Variants in GSK3B observed in about 807,000 individuals in gnomAD.
GSK3B encodes glycogen synthase kinase-3 beta.
Under a neutral mutation model 56.4 loss-of-function variants are expected in GSK3B, and 15 were observed. The observed-to-expected ratio is 0.27, with a 90% CI of 0.18 to 0.41. The LOEUF (loss-of-function observed/expected upper bound fraction) is 0.41, where lower values mean the gene tolerates loss of function less well. Among genes scored for constraint, GSK3B ranks in the 10% least tolerant of loss-of-function variants. The probability of loss-of-function intolerance (pLI) is 1.00; values close to 1 mark genes in which losing one functional copy is unlikely to be tolerated. For missense variants in GSK3B, 300 were observed against 513.4 expected (o/e 0.58, Z 4.02); for synonymous variants, 181 against 188.9 (o/e 0.96, Z 0.34).
In GSK3B at chr3:120,038,100, T is replaced by C. The variant is rs10934504; in HGVS notation, c.89-35861A>G. Among the ~76,000 whole-genome samples the C allele has an allele frequency of 9.5e-3, 1,452 of 152,298 alleles. 15 individuals carry two copies. The highest frequency in any genetic ancestry group is 0.032 in the South Asian group (155 of 4,830). ...AGGCACAGTTCAGTAACTTGTCCAA[T>C]GTCACAGCAAGTAAATAGCAAATTC... On this transcript the variant is annotated intron_variant, in intron 1 of 10. Coordinates refer to ENST00000264235, the MANE Select transcript of GSK3B (RefSeq NM_001146156.2).
At chr3:119,963,671 A>G (rs1377861678) in intron 2 of GSK3B, among the ~76,000 whole-genome samples, 3 of 151,460 alleles carry the variant, frequency 2.0e-5, no homozygotes, top group African/African-American at 7.3e-5. Context: ...AAAGAAAGAA[A>G]AAGAAAAAAA....
At chr3:120,064,824 A>C (rs1023265420) in intron 1 of GSK3B, among the ~76,000 whole-genome samples, 3 of 152,218 alleles carry the variant, frequency 2.0e-5, no homozygotes, top group African/African-American at 7.2e-5. Flanking sequence ...GGGAATAAGA[A>C]CTGTGCATCC....
chr3:119,924,282 C>T (rs2056870581), intron 3 of GSK3B, among the ~76,000 whole-genome samples: 2 of 152,198 alleles, frequency 1.3e-5, no homozygotes, highest in South Asian at 2.1e-4. Context: ...TGGCCAGTAT[C>T]AGGTAAATTG....
chr3:119,912,808 G>A lies in GSK3B; in HGVS notation c.611C>T (p.Ala204Val). Reference sequence around the variant, plus strand: ...GGGTTCTCCTCGGACCAGCTGCTTTGCACTAACAGAAAAAAAATAAAAATA... The same window carrying A: ...GGGTTCTCCTCGGACCAGCTGCTTTACACTAACAGAAAAAAAATAAAAATA... ...AVLKLCDFGS[A>V]KQLVRGEPNV... The change falls in exon 6 of 11, where the codon GCA becomes GTA. Residue 204 changes from alanine (A) to valine (V), a missense_variant and splice_region_variant. By Grantham distance (64) the Ala-to-Val change is moderately conservative. Transcript: ENST00000264235. 1 of 1,513,758 alleles carries A rather than the reference G, an allele frequency of 6.6e-7. No homozygotes were observed. Among genetic ancestry groups the A allele is most frequent in the Non-Finnish European group, 9.1e-7 (1 of 1,099,974 alleles). The allele number at this position is 1,513,758 out of a possible 1,614,324, so 93.8% of individuals were successfully genotyped here.
At chr3:119,916,976 A>C (rs1302433269) in intron 4 of GSK3B, among the ~76,000 whole-genome samples, 2 of 152,194 alleles carry the variant, frequency 1.3e-5, no homozygotes, top group Non-Finnish European at 2.9e-5. Flanking sequence ...ATGGACGAAG[A>C]GAGTATAATT....
chr3:119,957,752 T>C (rs1480721304), intron 2 of GSK3B, among the ~76,000 whole-genome samples: 3 of 152,128 alleles, frequency 2.0e-5, no homozygotes, highest in Non-Finnish European at 4.4e-5. Flanking sequence ...ATAGAGAGGT[T>C]AAGAAATTTG....
chr3:119,940,110 T>TGTG lies in GSK3B; in HGVS notation c.366+7157_366+7158insCAC, dbSNP rs572334273. Among the ~76,000 whole-genome samples, 915 of 149,042 alleles carry TGTG rather than the reference T, an allele frequency of 6.1e-3. 10 individuals carry two copies. Among genetic ancestry groups the TGTG allele is most frequent in the African/African-American group, 0.021 (878 of 40,858 alleles). On this transcript the variant is annotated intron_variant, in intron 3 of 10. Coordinates refer to ENST00000264235, the MANE Select transcript of GSK3B (RefSeq NM_001146156.2). ...CAGTAACAAAAGTGTGTGTGTGTGT[T>TGTG]TGTGTGTGTGTGTGTGTGTGTGTAT...
At chr3:120,010,007 C>T (rs893797630) in intron 1 of GSK3B, among the ~76,000 whole-genome samples, 1 of 152,228 alleles carries the variant, frequency 6.6e-6, no homozygotes, top group East Asian at 1.9e-4. Flanking sequence ...ATGATTTAAT[C>T]ACCCCAAATC....
chr3:119,955,429 T>A (rs372689436), intron 2 of GSK3B, among the ~76,000 whole-genome samples: 1 of 152,174 alleles, frequency 6.6e-6, no homozygotes, highest in Non-Finnish European at 1.5e-5. Context: ...AATCTTTAAA[T>A]GTTTTACAGT....
At chr3:119,897,041 T>C (rs2056575477) in intron 7 of GSK3B, among the ~76,000 whole-genome samples, 1 of 152,200 alleles carries the variant, frequency 6.6e-6, no homozygotes, top group African/African-American at 2.4e-5. Context: ...AGTGACAATG[T>C]CATGAAACTT....
rs2058531628 is a variant in GSK3B at position 120,093,443 on chromosome 3, T to C, written c.-9A>G. 1 of 1,581,010 alleles carries C rather than the reference T, an allele frequency of 6.3e-7. No homozygotes were observed. The highest frequency in any genetic ancestry group is 8.7e-7 in the Non-Finnish European group (1 of 1,149,980). On this transcript the variant is annotated 5_prime_UTR_variant, in exon 1 of 11. Coordinates refer to ENST00000264235, the MANE Select transcript of GSK3B (RefSeq NM_001146156.2). Reference sequence around the variant, plus strand: ...CTGGGCCGCCCTGACATGATCACTCTCTTCGCGAATCACCTTTTCCTTCCT... The same window carrying C: ...CTGGGCCGCCCTGACATGATCACTCCCTTCGCGAATCACCTTTTCCTTCCT...
rs1032097018 is a variant in GSK3B, at chr3:120,071,558, T to C, written c.88+21789A>G. Among the ~76,000 whole-genome samples, 6 of 152,276 alleles carry C rather than the reference T, an allele frequency of 3.9e-5. No individual in the cohort carries two copies. The East Asian group carries it at 9.6e-4, about 24-fold the overall frequency. ...CGTGAACTCTATTGTAAAGCACACATGCGAGGGATCTAGGTGCACATTCCT... is the reference window on the plus strand; with the variant it reads ...CGTGAACTCTATTGTAAAGCACACACGCGAGGGATCTAGGTGCACATTCCT... On this transcript the variant is annotated intron_variant, in intron 1 of 10. Coordinates refer to ENST00000264235, the MANE Select transcript of GSK3B (RefSeq NM_001146156.2).
intron 2 of GSK3B, among the ~76,000 whole-genome samples, chr3:119,954,303 A>C (rs1448680271): frequency 8.3e-6 from 1 of 119,802 alleles, no homozygotes; most frequent in African/African-American, 3.3e-5. Context: ...AGAATAGAAT[A>C]GAAAAGAAAC....
chr3:120,083,160 T>C (rs1370720313), intron 1 of GSK3B, among the ~76,000 whole-genome samples: 1 of 152,048 alleles, frequency 6.6e-6, no homozygotes, highest in East Asian at 1.9e-4. Context: ...AAAAAAACAA[T>C]GAACAACTTT....
chr3:119,993,406 C>T (rs1370384261), intron 2 of GSK3B, among the ~76,000 whole-genome samples: 1 of 151,662 alleles, frequency 6.6e-6, no homozygotes, highest in Non-Finnish European at 1.5e-5. Flanking sequence ...ACAGATGAAC[C>T]TAACTACTTC....
intron 2 of GSK3B, among the ~76,000 whole-genome samples, chr3:119,970,334 C>T (rs1179679102): frequency 6.6e-6 from 1 of 151,742 alleles, no homozygotes; most frequent in African/African-American, 2.4e-5. Flanking sequence ...CAAATAAATG[C>T]GAAAAGATAT....
chr3:119,953,078 A>G (rs776161052), intron 2 of GSK3B, among the ~76,000 whole-genome samples: 3 of 152,218 alleles, frequency 2.0e-5, no homozygotes, highest in Non-Finnish European at 4.4e-5. Flanking sequence ...GGGAGAAAAC[A>G]GTTATAATGG....
chr3:119,928,068 G>T (rs540677734), intron 3 of GSK3B, among the ~76,000 whole-genome samples: 1 of 152,292 alleles, frequency 6.6e-6, no homozygotes, highest in East Asian at 1.9e-4. Flanking sequence ...GGTGCCAGTA[G>T]CAATCAAGCT....
At chr3:119,892,748 A>G (rs1383530042) in intron 7 of GSK3B, among the ~76,000 whole-genome samples, 2 of 152,188 alleles carry the variant, frequency 1.3e-5, no homozygotes, top group African/African-American at 4.8e-5. Flanking sequence ...TTTAAAAATG[A>G]AATTATATAA....
Sources: allele counts gnomAD v4.1 joint callset (sites outside exome capture counted in the v4.1 genomes callset), GRCh38; gene constraint gnomAD v4.1.1; transcripts MANE v1.5; gene names NCBI Gene and HGNC (gene_info 2026-07-23, HGNC 2026-07-21).